HERC1: variants seen among roughly 807,000 people sequenced by gnomAD.
HERC1 encodes HECT and RLD domain containing E3 ubiquitin protein ligase family member 1, also known as probable E3 ubiquitin-protein ligase HERC1.
HERC1 carries 160 observed loss-of-function variants against 554.3 expected under a neutral mutation model. The observed-to-expected ratio is 0.29, with a 90% confidence interval of 0.25 to 0.33. The LOEUF (loss-of-function observed/expected upper bound fraction) is 0.33. Ranked by LOEUF, HERC1 falls within the 10% of genes least tolerant of loss-of-function variation. HERC1 has a pLI of 1.00. For synonymous variants in HERC1, 2,175 were observed against 2,131.7 expected, an observed-to-expected ratio of 1.02 and a Z score of -0.56; for missense variants, 4,919 against 5,918.5, an observed-to-expected ratio of 0.83 and a Z score of 5.54.
chr15:63,725,180 T>C, intron 18 of HERC1, 112 bp downstream of exon 18: 1 of 891,188 alleles, frequency 1.1e-6, no homozygotes, highest in Non-Finnish European at 1.7e-6. Flanking sequence ...CCTACACTGC[T>C]AATGTTGCAA....
chr15:63,748,915 C>G (rs976557342), intron 10 of HERC1, among the ~76,000 whole-genome samples: 2 of 150,508 alleles, frequency 1.3e-5, no homozygotes, highest in African/African-American at 4.9e-5. Flanking sequence ...AGCTAAGTTT[C>G]TGCAAAAATT....
intron 19 of HERC1, among the ~76,000 whole-genome samples, chr15:63,721,818 G>T (rs1328189996): frequency 6.6e-6 from 1 of 152,010 alleles, no homozygotes; most frequent in Non-Finnish European, 1.5e-5. Context: ...AAGAAATCAG[G>T]TACAGCCTTT....
intron 60 of HERC1, 36 bp from the exon 61 acceptor site, chr15:63,640,481 G>A (rs773163616): frequency 4.6e-5 from 70 of 1,530,424 alleles, no homozygotes; most frequent in Non-Finnish European, 6.2e-5. Flanking sequence ...ATGTCAAAGA[G>A]TTTGTGCCAA....
intron 39 of HERC1, 119 bp downstream of exon 39, chr15:63,672,377 A>T: frequency 1.5e-6 from 1 of 666,296 alleles, no homozygotes; most frequent in Non-Finnish European, 2.5e-6. Context: ...ATAATCTCTT[A>T]GTTTCTTTCT....
intron 51 of HERC1, among the ~76,000 whole-genome samples, chr15:63,653,246 G>A (rs1439569062): frequency 6.6e-6 from 1 of 152,088 alleles, no homozygotes; most frequent in African/African-American, 2.4e-5. Context: ...TTTGAGACCA[G>A]CCTGGCCAAC....
At chr15:63,810,697 A>G (rs1182128168) in intron 1 of HERC1, among the ~76,000 whole-genome samples, 1 of 152,214 alleles carries the variant, frequency 6.6e-6, no homozygotes, top group African/African-American at 2.4e-5. Context: ...AAAGCGTTGT[A>G]GGAGAGACAA....
At chr15:63,811,051 C>G (rs2077291305) in intron 1 of HERC1, among the ~76,000 whole-genome samples, 1 of 151,952 alleles carries the variant, frequency 6.6e-6, no homozygotes, top group African/African-American at 2.4e-5. Flanking sequence ...GGGGTTTACT[C>G]TAGATTTAAA....
chr15:63,693,762 G>T (rs564175413), intron 30 of HERC1, among the ~76,000 whole-genome samples: 1 of 152,168 alleles, frequency 6.6e-6, no homozygotes, highest in Non-Finnish European at 1.5e-5. Context: ...CAACATGAGG[G>T]TTAACAGACT....
chr15:63,705,238 C>T (rs186084766), intron 25 of HERC1, among the ~76,000 whole-genome samples: 13 of 152,170 alleles, frequency 8.5e-5, no homozygotes, highest in African/African-American at 3.1e-4. Flanking sequence ...CCTGCAACTT[C>T]GAATTCCTGG....
intron 2 of HERC1, among the ~76,000 whole-genome samples, chr15:63,770,699 G>A (rs1020583500): frequency 1.3e-5 from 2 of 152,154 alleles, no homozygotes; most frequent in African/African-American, 4.8e-5. Context: ...ACTTATTTTT[G>A]TTAGGTCTTG....
intron 19 of HERC1, among the ~76,000 whole-genome samples, chr15:63,719,823 G>C (rs1248535243): frequency 6.6e-6 from 1 of 152,182 alleles, no homozygotes; most frequent in Non-Finnish European, 1.5e-5. Flanking sequence ...CATTTACTGA[G>C]AAAGGAAGAC....
intron 1 of HERC1, among the ~76,000 whole-genome samples, chr15:63,791,001 T>TA (rs909353446): frequency 1.2e-4 from 18 of 152,140 alleles, no homozygotes; most frequent in African/African-American, 4.3e-4. Context: ...CAAAAAATCC[T>TA]AAAAAAGTTT....
rs1045075155 is a variant in HERC1, at chr15:63,692,120, T to C, written c.5830+291A>G. 2.6e-5 allele frequency among the ~76,000 whole-genome samples: 4 copies of C among 152,250 alleles called. No homozygotes were observed. The highest frequency in any genetic ancestry group is 4.8e-5 in the African/African-American group (2 of 41,466). ...CAAGGTCGGAATCTGTGCTAAAATA[T>C]CGTATTAAACAGGATGTTCTCTGCT... is the stretch of plus-strand genomic sequence containing the variant. On this transcript the variant is annotated intron_variant, in intron 31 of 77. Transcript: ENST00000443617. The surrounding 1 kb of genome is among the most constrained non-coding windows in gnomAD (Gnocchi z 4.7).
chr15:63,757,263 T>C (rs946047364), intron 4 of HERC1, among the ~76,000 whole-genome samples: 4 of 24,580 alleles, frequency 1.6e-4, no homozygotes, highest in African/African-American at 5.1e-4. Context: ...TTTTATTTAC[T>C]TTTTTTTTTT....
intron 52 of HERC1, among the ~76,000 whole-genome samples, chr15:63,652,061 A>AAAAC (rs549604271): frequency 3.9e-4 from 59 of 152,000 alleles, no homozygotes; most frequent in African/African-American, 1.4e-3. Flanking sequence ...AAAACAAAAC[A>AAAAC]AAAAAAACTG....
chr15:63,631,069 G>C (rs571677325), intron 68 of HERC1, among the ~76,000 whole-genome samples: 1 of 152,262 alleles, frequency 6.6e-6, no homozygotes, highest in South Asian at 2.1e-4. Context: ...GCCTCAACCT[G>C]TCGGGTTTAA....
chr15:63,751,611 C>A (rs2075250573), intron 8 of HERC1, among the ~76,000 whole-genome samples: 1 of 152,022 alleles, frequency 6.6e-6, no homozygotes, highest in Non-Finnish European at 1.5e-5. Context: ...ACAGAAGAGG[C>A]CTGAAAGTGC....
Position 63,612,110 on chromosome 15 carries a change from G to A in HERC1, c.14400+141C>T, listed in dbSNP as rs902567582. On this transcript the variant is annotated intron_variant, in intron 77 of 77. Coordinates refer to ENST00000443617, the MANE Select transcript of HERC1 (RefSeq NM_003922.4). The surrounding 1 kb of genome is among the most constrained non-coding windows in gnomAD (Gnocchi z 5.0). ...GGCTGAGGCAGGAGAACTGCTTGAAGCTAGGAAGCGGAGGTTGCAGTAAGC... is the reference window on the plus strand; with the variant it reads ...GGCTGAGGCAGGAGAACTGCTTGAAACTAGGAAGCGGAGGTTGCAGTAAGC... 4.2e-6 allele frequency: 3 copies of A among 715,016 alleles called. No homozygotes were observed. The African/African-American group carries it at 5.4e-5, about 13-fold the overall frequency. 44.3% of individuals were successfully genotyped at this position (715,016 alleles called of 1,614,324 possible). A position where few individuals can be genotyped will look rare whatever the true frequency, so the allele number is the denominator to read the frequency against.
chr15:63,643,596 T>C (rs201569757), intron 57 of HERC1, 46 bp from the exon 58 acceptor site: 32 of 1,403,368 alleles, frequency 2.3e-5, no homozygotes, highest in Non-Finnish European at 2.9e-5. Flanking sequence ...AGATAAATTA[T>C]ATAAGTTCAA....
Sources: allele counts gnomAD v4.1 joint callset (sites outside exome capture counted in the v4.1 genomes callset), GRCh38; gene constraint gnomAD v4.1.1; non-coding constraint Gnocchi (gnomAD v3.1); transcripts MANE v1.5; gene names NCBI Gene and HGNC (gene_info 2026-07-23, HGNC 2026-07-21).